Variants in RTN3 observed in about 807,000 individuals in gnomAD.
RTN3 encodes reticulon 3.
In RTN3, 49 loss-of-function variants were observed where a neutral mutation model predicts 77.8. The observed-to-expected ratio is 0.63, with a 90% CI of 0.50 to 0.80. The LOEUF is 0.80. RTN3 is among the 30% of genes least tolerant of loss of function. The pLI is 0.00. For missense variants in RTN3, 1,236 were observed against 1,211.9 expected, an observed-to-expected ratio of 1.02 and a Z score of -0.29; for synonymous variants, 464 against 446.9, an observed-to-expected ratio of 1.04 and a Z score of -0.48.
intron 3 of RTN3, among the ~76,000 whole-genome samples, chr11:63,736,537 A>C (rs1451355457): frequency 6.6e-6 from 1 of 151,964 alleles, no homozygotes; most frequent in Non-Finnish European, 1.5e-5. Context: ...AAATACAAAA[A>C]ATTAGCTGGA....
At chr11:63,690,066 A>G (rs1163587273) in intron 1 of RTN3, among the ~76,000 whole-genome samples, 1 of 151,936 alleles carries the variant, frequency 6.6e-6, no homozygotes, top group Non-Finnish European at 1.5e-5. Flanking sequence ...AGTCTCAAAG[A>G]ACTATTCTTA....
chr11:63,713,979 T>C, intron 2 of RTN3: 1 of 518,190 alleles, frequency 1.9e-6, no homozygotes, highest in South Asian at 1.4e-5. Context: ...AGGTACTGAC[T>C]TGGGCAACAG....
At position 63,702,323 on chromosome 11, in the gene RTN3, T is replaced by G. The variant is rs528381053; in HGVS notation, c.143-2528T>G. On this transcript the variant is annotated intron_variant, in intron 1 of 8. Coordinates refer to ENST00000377819, the MANE Select transcript of RTN3 (RefSeq NM_001265589.2). The stretch of plus-strand genomic sequence containing the variant: ...TTTTTTTTGTTTTTTTGTTTTTTTG[T>G]TTTTTTTTTGAGACAGAGTCTCGCC... 8.0e-4 allele frequency among the ~76,000 whole-genome samples: 115 copies of G among 144,436 alleles called. 1 individual carries two copies. Among genetic ancestry groups the G allele is most frequent in the South Asian group, 1.3e-3 (6 of 4,684 alleles). 94.8% of individuals were successfully genotyped at this position (144,436 alleles called of 152,430 possible). A position where few individuals can be genotyped will look rare whatever the true frequency, so the allele number is the denominator to read the frequency against.
chr11:63,719,810 G>A lies in RTN3; in HGVS notation c.1308G>A (p.Val436=). 1.2e-6 allele frequency: 2 copies of A among 1,614,194 alleles called. No individual in the cohort carries two copies. The highest frequency in any genetic ancestry group is 2.2e-5 in the East Asian group (1 of 44,888). The change falls in exon 3 of 9, where the codon GTG becomes GTA. Residue 436 remains valine, a synonymous_variant. Transcript: ENST00000377819. ...NSTKEFSIKG[V]QGNMQKQDDT... ...CAAAAGAATTCAGTATCAAAGGTGT[G>A]CAAGGCAATATGCAGAAACAGGATG...
rs951551485 is a variant in RTN3, at chr11:63,759,288, G to C, written c.*1087G>C. The C allele has an allele frequency of 2.6e-5, 4 of 152,190 alleles. No homozygotes were observed. Among genetic ancestry groups the C allele is most frequent in the Admixed American group, 1.3e-4 (2 of 15,264 alleles). 9.4% of individuals were successfully genotyped at this position (152,190 alleles called of 1,614,324 possible). A position where few individuals can be genotyped will look rare whatever the true frequency, so the allele number is the denominator to read the frequency against. On this transcript the variant is annotated 3_prime_UTR_variant, in exon 9 of 9. Transcript: ENST00000377819. ...TTCAATATGAGAATTCAGCGAACTT[G>C]AAAGAAAAATCATCTGTGAGTTCCT...
intron 1 of RTN3, among the ~76,000 whole-genome samples, chr11:63,686,749 C>A (rs1287849778): frequency 6.6e-6 from 1 of 151,812 alleles, no homozygotes; most frequent in East Asian, 1.9e-4. Flanking sequence ...AGGAGGATGG[C>A]TTGAGCTGGG....
chr11:63,755,853 G>T (rs1221549012), intron 7 of RTN3, among the ~76,000 whole-genome samples: 1 of 151,730 alleles, frequency 6.6e-6, no homozygotes, highest in Non-Finnish European at 1.5e-5. Flanking sequence ...CAGCTACTCG[G>T]GAGGCTGAGG....
chr11:63,747,977 T>C (rs1446579213), intron 3 of RTN3, among the ~76,000 whole-genome samples: 1 of 152,090 alleles, frequency 6.6e-6, no homozygotes, highest in East Asian at 1.9e-4. Flanking sequence ...GAAAGTCCTC[T>C]AGCTATTCAT....
chr11:63,753,337 T>C (rs558543508), intron 6 of RTN3, among the ~76,000 whole-genome samples, 199 bp downstream of exon 6: 3 of 152,206 alleles, frequency 2.0e-5, no homozygotes, highest in Non-Finnish European at 4.4e-5. Context: ...TTAAGAAATA[T>C]CAAAACAGCT....
chr11:63,693,707 A>G (rs1462326578), intron 1 of RTN3, among the ~76,000 whole-genome samples: 2 of 152,222 alleles, frequency 1.3e-5, no homozygotes. Flanking sequence ...TATCTGTAAT[A>G]GAAATATGTT....
intron 1 of RTN3, among the ~76,000 whole-genome samples, chr11:63,697,091 A>G (rs1230073245): frequency 6.7e-6 from 1 of 150,182 alleles, no homozygotes. Context: ...TCACCATGTT[A>G]GCCAAGGTGG....
At chr11:63,728,328 C>T (rs1284456445) in intron 3 of RTN3, among the ~76,000 whole-genome samples, 1 of 152,196 alleles carries the variant, frequency 6.6e-6, no homozygotes, top group African/African-American at 2.4e-5. Flanking sequence ...AAAACATGTA[C>T]TGGCAATAAA....
intron 8 of RTN3, 92 bp from the exon 9 acceptor site, chr11:63,758,064 G>A (rs993963289): frequency 2.8e-5 from 25 of 900,268 alleles, no homozygotes; most frequent in Non-Finnish European, 4.3e-5. Flanking sequence ...TGCAAGTCCA[G>A]GACTGTCCTC....
chr11:63,755,875 C>T (rs973524463), intron 7 of RTN3, among the ~76,000 whole-genome samples: 8 of 151,654 alleles, frequency 5.3e-5, no homozygotes, highest in South Asian at 2.1e-4. Context: ...AGGAGAATGG[C>T]GTGAACCCGG....
chr11:63,707,554 C>T (rs987268773), intron 2 of RTN3, among the ~76,000 whole-genome samples: 1 of 152,028 alleles, frequency 6.6e-6, no homozygotes, highest in Non-Finnish European at 1.5e-5. Flanking sequence ...CCCTATCCGA[C>T]TGTGCGCGGT....
At chr11:63,729,731 A>T (rs951988546) in intron 3 of RTN3, among the ~76,000 whole-genome samples, 1 of 151,768 alleles carries the variant, frequency 6.6e-6, no homozygotes, top group Non-Finnish European at 1.5e-5. Context: ...AAGTGCTGGG[A>T]TTATAGGCAT....
intron 3 of RTN3, among the ~76,000 whole-genome samples, chr11:63,734,858 T>C (rs767357864): frequency 9.2e-5 from 14 of 151,578 alleles, no homozygotes; most frequent in Non-Finnish European, 1.6e-4. Flanking sequence ...AGGAAGAAGT[T>C]AAACTTTCTT....
chr11:63,695,426 C>T (rs1941889438), intron 1 of RTN3, among the ~76,000 whole-genome samples: 1 of 152,138 alleles, frequency 6.6e-6, no homozygotes, highest in Non-Finnish European at 1.5e-5. Context: ...GGAGGTGGAG[C>T]TTAACTCCTC....
At chr11:63,734,298 A>T (rs186815189) in intron 3 of RTN3, among the ~76,000 whole-genome samples, 10 of 152,074 alleles carry the variant, frequency 6.6e-5, no homozygotes, top group African/African-American at 2.4e-4. Context: ...AAATACAAAA[A>T]TTAGCCAGGT....
Sources: gnomAD v4.1 joint callset for allele counts (sites outside exome capture counted in the v4.1 genomes callset) on GRCh38, gnomAD v4.1.1 for gene constraint, MANE v1.5 for transcripts, NCBI Gene and HGNC (gene_info 2026-07-23, HGNC 2026-07-21) for gene names.